Variants in NR6A1 observed in about 807,000 individuals in gnomAD.
NR6A1 encodes retinoic acid receptor-related testis-associated receptor.
In NR6A1, 7 loss-of-function variants were observed where a neutral mutation model predicts 59.1. The ratio of observed to expected loss-of-function variants is 0.12; its 90% CI spans 0.07 to 0.22. NR6A1 has a LOEUF of 0.22. Among genes scored for constraint, NR6A1 ranks in the 10% least tolerant of loss-of-function variants. The pLI, the probability that NR6A1 is intolerant of heterozygous loss-of-function variation, is 1.00. For synonymous variants in NR6A1, 243 were observed against 236.1 expected, an observed-to-expected ratio of 1.03 and a Z score of -0.27; for missense variants, 468 against 611.6, an observed-to-expected ratio of 0.77 and a Z score of 2.48.
chr9:124,685,221 G>C (rs1265535563), intron 2 of NR6A1, among the ~76,000 whole-genome samples: 3 of 152,128 alleles, frequency 2.0e-5, no homozygotes, highest in Non-Finnish European at 2.9e-5. Flanking sequence ...GAACGCTTTT[G>C]AAAAATACAG....
intron 2 of NR6A1, among the ~76,000 whole-genome samples, chr9:124,586,027 C>T (rs1485270697): frequency 6.6e-6 from 1 of 152,194 alleles, no homozygotes; most frequent in Non-Finnish European, 1.5e-5. Flanking sequence ...CCCAAGAGCT[C>T]TGATGGAGAT....
chr9:124,543,958 T>C (rs186232309), intron 3 of NR6A1, 101 bp from the exon 4 acceptor site: 1,339 of 889,812 alleles, frequency 1.5e-3, no homozygotes, highest in Non-Finnish European at 2.1e-3. Flanking sequence ...AGACAGTAAT[T>C]AGTGAATCCA....
chr9:124,748,483 G>T (rs1268016058), intron 1 of NR6A1, among the ~76,000 whole-genome samples: 1 of 152,046 alleles, frequency 6.6e-6, no homozygotes, highest in Non-Finnish European at 1.5e-5. Flanking sequence ...TTGTTTAAAG[G>T]GAATAACATT....
chr9:124,542,455 C>T (rs1833476226), intron 4 of NR6A1, among the ~76,000 whole-genome samples: 1 of 152,108 alleles, frequency 6.6e-6, no homozygotes, highest in Admixed American at 6.6e-5. Flanking sequence ...TAAATTTACC[C>T]AGTAAATATC....
rs1191053477 is a variant in NR6A1 at position 124,751,722 on chromosome 9, G to A, written c.101-18373C>T. On this transcript the variant is annotated intron_variant, in intron 1 of 9. Coordinates refer to ENST00000487099, the MANE Select transcript of NR6A1 (RefSeq NM_033334.4). Reference sequence around the variant, plus strand: ...GATTTATCAAGAATCCACAGTAAATGTTCAGAGATATGGCTAGCATAGACA... The same window carrying A: ...GATTTATCAAGAATCCACAGTAAATATTCAGAGATATGGCTAGCATAGACA... 3.3e-5 allele frequency among the ~76,000 whole-genome samples: 5 copies of A among 152,300 alleles called. No homozygotes were observed. The East Asian group carries it at 9.6e-4, about 29-fold the overall frequency.
intron 2 of NR6A1, among the ~76,000 whole-genome samples, chr9:124,700,673 C>T (rs1838915155): frequency 6.6e-6 from 1 of 151,148 alleles, no homozygotes; most frequent in South Asian, 2.1e-4. Flanking sequence ...CATTCACCAG[C>T]TGCTGGATAT....
intron 2 of NR6A1, among the ~76,000 whole-genome samples, chr9:124,682,304 A>G (rs1400529162): frequency 6.6e-6 from 1 of 152,196 alleles, no homozygotes; most frequent in Non-Finnish European, 1.5e-5. Context: ...GCCTGGCCGC[A>G]ACTAACCTTA....
At chr9:124,571,549 G>A (rs1269056621) in intron 2 of NR6A1, among the ~76,000 whole-genome samples, 1 of 152,160 alleles carries the variant, frequency 6.6e-6, no homozygotes, top group Non-Finnish European at 1.5e-5. Flanking sequence ...CACTGCTGAC[G>A]GGACTGGAAA....
rs561802724 is a variant in NR6A1, at chr9:124,527,920, G to A, written c.1080-1020C>T. ...CAGGAAGCAGGAGTTTATAAAAGAC[G>A]AGGTCAAGTCTGGCCTGAGTCATTC... On this transcript the variant is annotated intron_variant, in intron 7 of 9. Transcript: ENST00000487099. 5.9e-5 allele frequency among the ~76,000 whole-genome samples: 9 copies of A among 152,324 alleles called. No individual in the cohort carries two copies. The South Asian group carries it at 8.3e-4, about 14-fold the overall frequency.
chr9:124,547,037 C>T (rs1833621244), intron 3 of NR6A1, among the ~76,000 whole-genome samples: 1 of 152,192 alleles, frequency 6.6e-6, no homozygotes, highest in Non-Finnish European at 1.5e-5. Flanking sequence ...TTCAGCAGGG[C>T]TAAAATCTAT....
chr9:124,537,070 AT>A (rs111541971), intron 6 of NR6A1, among the ~76,000 whole-genome samples: 15,524 of 136,288 alleles, frequency 0.11, 1,129 homozygotes, highest in African/African-American at 0.31. Flanking sequence ...CCACATCTAA[AT>A]TTTTTTTTTT....
intron 1 of NR6A1, among the ~76,000 whole-genome samples, chr9:124,770,633 G>T (rs1841113288): frequency 6.8e-6 from 1 of 147,288 alleles, no homozygotes; most frequent in Admixed American, 6.7e-5. Flanking sequence ...GGAGCCCGGG[G>T]GGAGGGGAAG....
At chr9:124,767,513 G>GAAAAAA (rs951834728) in intron 1 of NR6A1, among the ~76,000 whole-genome samples, 1 of 76,458 alleles carries the variant, frequency 1.3e-5, no homozygotes, top group Non-Finnish European at 3.0e-5. Flanking sequence ...TACAAAAAAA[G>GAAAAAA]AAAAAAAAAA....
chr9:124,636,430 A>T (rs1285312631), intron 2 of NR6A1, among the ~76,000 whole-genome samples: 1 of 152,154 alleles, frequency 6.6e-6, no homozygotes, highest in Non-Finnish European at 1.5e-5. Flanking sequence ...AGTCCAGCTT[A>T]TTAATTCATT....
intron 2 of NR6A1, among the ~76,000 whole-genome samples, chr9:124,629,268 T>C (rs1469265922): frequency 6.6e-6 from 1 of 152,254 alleles, no homozygotes; most frequent in Non-Finnish European, 1.5e-5. Flanking sequence ...TTAAATTCGA[T>C]TTTAACTCAT....
chr9:124,582,579 T>TA lies in NR6A1; in HGVS notation c.143-28010dup, dbSNP rs1011600360. Among the ~76,000 whole-genome samples, 1,331 of 142,146 alleles carry TA rather than the reference T, an allele frequency of 9.4e-3. 13 individuals are homozygous for TA. The highest frequency in any genetic ancestry group is 0.039 in the East Asian group (193 of 4,956). 93.3% of individuals were successfully genotyped at this position (142,146 alleles called of 152,430 possible). A position where few individuals can be genotyped will look rare whatever the true frequency, so the allele number is the denominator to read the frequency against. On this transcript the variant is annotated intron_variant, in intron 2 of 9. Coordinates refer to ENST00000487099, the MANE Select transcript of NR6A1 (RefSeq NM_033334.4). ...CACATGTACCCCTGAACTTAAAAGTTAAAAAAAAAAAAAGAAATGGTTCTG... is the reference window on the plus strand; with the variant it reads ...CACATGTACCCCTGAACTTAAAAGTTAAAAAAAAAAAAAAGAAATGGTTCTG...
intron 4 of NR6A1, among the ~76,000 whole-genome samples, chr9:124,543,346 G>T (rs755486190): frequency 2.0e-5 from 3 of 152,124 alleles, no homozygotes; most frequent in Non-Finnish European, 4.4e-5. Flanking sequence ...ACAGTATAGG[G>T]CCTGGAAGAG....
chr9:124,655,883 T>G (rs1354812128), intron 2 of NR6A1, among the ~76,000 whole-genome samples: 1 of 152,222 alleles, frequency 6.6e-6, no homozygotes, highest in African/African-American at 2.4e-5. Flanking sequence ...AAGTGGAAGC[T>G]ACTTAAGTGT....
chr9:124,770,288 G>GC (rs1318739431), intron 1 of NR6A1: 1 of 152,782 alleles, frequency 6.5e-6, no homozygotes, highest in Non-Finnish European at 1.5e-5. Flanking sequence ...CGGCCAGAGC[G>GC]CGCGGGGCGT....
Sources: gnomAD v4.1 joint callset for allele counts (sites outside exome capture counted in the v4.1 genomes callset) on GRCh38, gnomAD v4.1.1 for gene constraint, MANE v1.5 for transcripts, NCBI Gene and HGNC (gene_info 2026-07-23, HGNC 2026-07-21) for gene names.